Variants in FLI1 observed in about 807,000 individuals in gnomAD.
FLI1 encodes Friend leukemia integration 1 transcription factor.
In FLI1, 13 loss-of-function variants were observed where a neutral mutation model predicts 53.1. The ratio of observed to expected loss-of-function variants is 0.24; its 90% CI spans 0.16 to 0.39. The LOEUF (loss-of-function observed/expected upper bound fraction) is 0.39. FLI1 is among the 10% of genes least tolerant of loss of function. The pLI, the probability that FLI1 is intolerant of heterozygous loss-of-function variation, is 1.00. For synonymous variants in FLI1, 244 were observed against 236.7 expected, an observed-to-expected ratio of 1.03 and a Z score of -0.28; for missense variants, 424 against 600.5, an observed-to-expected ratio of 0.71 and a Z score of 3.07.
chr11:128,703,337 A>G (rs1938417280), intron 1 of FLI1, among the ~76,000 whole-genome samples: 2 of 152,208 alleles, frequency 1.3e-5, no homozygotes, highest in South Asian at 4.1e-4. Flanking sequence ...GTTCACTCAG[A>G]TATATGTACA....
intron 1 of FLI1, among the ~76,000 whole-genome samples, chr11:128,716,968 G>A (rs1435115116): frequency 2.0e-5 from 3 of 152,184 alleles, no homozygotes; most frequent in Non-Finnish European, 2.9e-5. Context: ...ATCCTAAGGA[G>A]GTAGGACAGC....
At chr11:128,715,760 A>G (rs868340701) in intron 1 of FLI1, among the ~76,000 whole-genome samples, 26 of 152,202 alleles carry the variant, frequency 1.7e-4, no homozygotes, top group African/African-American at 6.0e-4. Flanking sequence ...GAGGAAAAAA[A>G]ATGAAGAAAA....
At chr11:128,696,954 T>C (rs1242563151) in intron 1 of FLI1, among the ~76,000 whole-genome samples, 2 of 152,232 alleles carry the variant, frequency 1.3e-5, no homozygotes, top group Non-Finnish European at 2.9e-5. Context: ...CCCAATCTTG[T>C]TGCCCTCCTT....
chr11:128,763,110 C>T (rs956309867), intron 2 of FLI1, among the ~76,000 whole-genome samples: 2 of 152,206 alleles, frequency 1.3e-5, no homozygotes, highest in African/African-American at 4.8e-5. Flanking sequence ...TGTCTTCATG[C>T]TCACTGGAGA....
In FLI1 at chr11:128,758,306, T is replaced by C. The variant is rs1191270159; in HGVS notation, c.210T>C (p.Tyr70=). ...TGAGGGTCAACGTCAAGCGGGAGTA[T>C]GACCACATGAATGGATCCAGGTAAG... is the stretch of plus-strand genomic sequence containing the variant. The part of the protein sequence containing the change: ...QPVRVNVKRE[Y]DHMNGSRESP... Residue 70 remains tyrosine, a synonymous_variant, in exon 2 of 9, where the codon TAT becomes TAC. Coordinates refer to ENST00000527786, the MANE Select transcript of FLI1 (RefSeq NM_002017.5). 1.2e-6 allele frequency: 2 copies of C among 1,613,192 alleles called. No individual in the cohort carries two copies. Among genetic ancestry groups the C allele is most frequent in the Non-Finnish European group, 1.7e-6 (2 of 1,179,596 alleles).
chr11:128,730,527 G>T (rs1565470812), intron 1 of FLI1, among the ~76,000 whole-genome samples: 1 of 152,214 alleles, frequency 6.6e-6, no homozygotes, highest in East Asian at 1.9e-4. Context: ...TTCCAAAGCA[G>T]TAAAGAAGGG....
At chr11:128,793,763 G>T (rs1942348643) in intron 5 of FLI1, among the ~76,000 whole-genome samples, 1 of 152,216 alleles carries the variant, frequency 6.6e-6, no homozygotes, top group African/African-American at 2.4e-5. Flanking sequence ...TGGTGACAAT[G>T]AATGCATGAG....
chr11:128,776,688 T>C (rs1387589723), intron 4 of FLI1, among the ~76,000 whole-genome samples: 1 of 152,150 alleles, frequency 6.6e-6, no homozygotes, highest in Non-Finnish European at 1.5e-5. Context: ...GACAACTATC[T>C]ACAGTACCCA....
chr11:128,789,585 AG>A (rs1232991127), intron 5 of FLI1, among the ~76,000 whole-genome samples: 1 of 152,180 alleles, frequency 6.6e-6, no homozygotes, highest in African/African-American at 2.4e-5. Flanking sequence ...CCGGGCGAAG[AG>A]TTTCCCGAGG....
chr11:128,810,854 C>G lies in FLI1; in HGVS notation c.1225C>G (p.Pro409Ala). The change falls in exon 9 of 9, where the codon CCT becomes GCT. Residue 409 changes from proline (P) to alanine (A), a missense_variant. Physicochemically the swap from Pro to Ala is conservative, Grantham distance 27. Around this residue, in one of 5 missense-constraint regions of FLI1, gnomAD observed 87 missense variants for 100.0 expected, o/e 0.87. Coordinates refer to ENST00000527786, the MANE Select transcript of FLI1 (RefSeq NM_002017.5). The surrounding 1 kb of genome is among the most constrained non-coding windows in gnomAD (Gnocchi z 6.6). ...NFVPPHPSSMPVTSSSFFGAA... is the reference protein window; with the variant it reads ...NFVPPHPSSMAVTSSSFFGAA... Reference sequence around the variant, plus strand: ...TGTCCCTCCCCATCCATCCTCCATGCCTGTCACTTCCTCCAGCTTCTTTGG... The same window carrying G: ...TGTCCCTCCCCATCCATCCTCCATGGCTGTCACTTCCTCCAGCTTCTTTGG... The G allele has an allele frequency of 6.2e-7, 1 of 1,614,066 alleles. No individual in the cohort carries two copies. The highest frequency in any genetic ancestry group is 8.5e-7 in the Non-Finnish European group (1 of 1,179,904).
At chr11:128,788,021 A>G (rs1942149914) in intron 5 of FLI1, among the ~76,000 whole-genome samples, 1 of 150,940 alleles carries the variant, frequency 6.6e-6, no homozygotes, top group Admixed American at 6.6e-5. Flanking sequence ...CACGTTAGCC[A>G]GGATGGTCTC....
At position 128,810,206 on chromosome 11, in the gene FLI1, T is replaced by G. The variant is rs978643295; in HGVS notation, c.830-253T>G. Among the ~76,000 whole-genome samples the G allele has an allele frequency of 6.6e-6, 1 of 151,894 alleles. No homozygotes were observed. The highest frequency in any genetic ancestry group is 1.5e-5 in the Non-Finnish European group (1 of 67,988). On this transcript the variant is annotated intron_variant, in intron 8 of 8. Transcript: ENST00000527786. This position sits in a 1 kb window ranked among gnomAD's most constrained non-coding sequence, Gnocchi z 6.6. ...TTCTGGGCAGAGTTTGCACCTCACT[T>G]CCCACATTCCATTTACCAGGCCTTG...
At chr11:128,730,481 A>T (rs1260722247) in intron 1 of FLI1, among the ~76,000 whole-genome samples, 1 of 152,250 alleles carries the variant, frequency 6.6e-6, no homozygotes, top group African/African-American at 2.4e-5. Context: ...CTATTCTAGA[A>T]TGCTGATAAA....
At chr11:128,801,428 AATAT>A (rs1942633084) in intron 5 of FLI1, among the ~76,000 whole-genome samples, 1 of 152,230 alleles carries the variant, frequency 6.6e-6, no homozygotes, top group African/African-American at 2.4e-5. Context: ...GTAGGAAAAA[AATAT>A]GAACCCTCAC....
intron 1 of FLI1, among the ~76,000 whole-genome samples, chr11:128,705,498 C>T (rs1275985675): frequency 6.6e-6 from 1 of 152,122 alleles, no homozygotes; most frequent in Non-Finnish European, 1.5e-5. Flanking sequence ...TCATTCTATT[C>T]CACTCATATA....
At chr11:128,688,359 T>C (rs1937618345) in intron 1 of FLI1, among the ~76,000 whole-genome samples, 1 of 152,214 alleles carries the variant, frequency 6.6e-6, no homozygotes, top group Admixed American at 6.5e-5. Flanking sequence ...AAATGGATTT[T>C]TCAGCAGCCA....
intron 1 of FLI1, among the ~76,000 whole-genome samples, chr11:128,721,844 C>G (rs1939267450): frequency 6.6e-6 from 1 of 152,224 alleles, no homozygotes; most frequent in Non-Finnish European, 1.5e-5. Flanking sequence ...ATTTGGGTGA[C>G]TTTCCAAACT....
intron 1 of FLI1, among the ~76,000 whole-genome samples, chr11:128,715,215 T>A (rs1045987540): frequency 1.3e-5 from 2 of 152,154 alleles, no homozygotes; most frequent in Non-Finnish European, 2.9e-5. Flanking sequence ...GAGCTCAGGG[T>A]TGCTAAGTGA....
intron 1 of FLI1, among the ~76,000 whole-genome samples, chr11:128,726,468 G>A (rs1362883304): frequency 6.6e-6 from 1 of 152,118 alleles, no homozygotes; most frequent in African/African-American, 2.4e-5. Flanking sequence ...CATCAAAGAT[G>A]AAGACTGGAG....
Sources: allele counts gnomAD v4.1 joint callset (sites outside exome capture counted in the v4.1 genomes callset), GRCh38; gene constraint gnomAD v4.1.1; regional missense constraint gnomAD v4.1.1; non-coding constraint Gnocchi (gnomAD v3.1); transcripts MANE v1.5; gene names NCBI Gene and HGNC (gene_info 2026-07-23, HGNC 2026-07-21).